The following KLHL32 variants were observed in gnomAD, a reference collection of about 807,000 sequenced individuals.
The protein encoded by KLHL32 is kelch-like protein 32.
KLHL32 carries 35 observed loss-of-function variants against 64.8 expected under a neutral mutation model. That is an observed-to-expected ratio of 0.54 (90% confidence interval 0.41 to 0.72). KLHL32 has a LOEUF of 0.72. Among genes scored for constraint, KLHL32 ranks in the 30% least tolerant of loss-of-function variants. The pLI is 0.00. For missense variants in KLHL32, 589 were observed against 768.5 expected (o/e 0.77, Z 2.76); for synonymous variants, 259 against 281.0 (o/e 0.92, Z 0.78).
chr6:96,938,364 T>A (rs1770866299), intron 1 of KLHL32, among the ~76,000 whole-genome samples: 1 of 152,164 alleles, frequency 6.6e-6, no homozygotes, highest in African/African-American at 2.4e-5. Context: ...CAGAGGGTCC[T>A]GGGGTCCCTG....
intron 1 of KLHL32, among the ~76,000 whole-genome samples, chr6:96,928,375 A>T (rs1298297956): frequency 6.6e-6 from 1 of 152,204 alleles, no homozygotes; most frequent in Non-Finnish European, 1.5e-5. Flanking sequence ...ACTGTAGCTG[A>T]GCGAGTGATG....
chr6:97,015,520 G>A (rs187180895), intron 3 of KLHL32, among the ~76,000 whole-genome samples: 636 of 152,300 alleles, frequency 4.2e-3, no homozygotes, highest in Middle Eastern at 6.8e-3. Context: ...AGAGACTGTC[G>A]GCATTTTGCC....
chr6:97,092,145 C>T (rs1582998379), intron 6 of KLHL32, among the ~76,000 whole-genome samples: 1 of 152,064 alleles, frequency 6.6e-6, no homozygotes, highest in South Asian at 2.1e-4. Flanking sequence ...ATGTGCCACA[C>T]ACCTGGCTAA....
At chr6:97,012,042 GCTAGAGT>G (rs1780477520) in intron 3 of KLHL32, among the ~76,000 whole-genome samples, 1 of 152,194 alleles carries the variant, frequency 6.6e-6, no homozygotes, top group Admixed American at 6.5e-5. Context: ...ACTGCTGAAT[GCTAGAGT>G]CTAAACCCTA....
At chr6:96,986,357 T>C (rs1252951767) in intron 3 of KLHL32, among the ~76,000 whole-genome samples, 1 of 152,188 alleles carries the variant, frequency 6.6e-6, no homozygotes, top group Non-Finnish European at 1.5e-5. Context: ...CGTTCTTAGA[T>C]GTCCAACTGC....
intron 3 of KLHL32, among the ~76,000 whole-genome samples, chr6:97,036,852 G>T (rs1016986139): frequency 6.6e-6 from 1 of 152,178 alleles, no homozygotes; most frequent in Non-Finnish European, 1.5e-5. Flanking sequence ...TGTCAGCTGG[G>T]ATTTGTGTTG....
intron 5 of KLHL32, among the ~76,000 whole-genome samples, chr6:97,066,653 G>T (rs1453260085): frequency 6.6e-6 from 1 of 152,120 alleles, no homozygotes; most frequent in African/African-American, 2.4e-5. Flanking sequence ...TTGACTATAT[G>T]AGTATCAAAA....
rs1562377109 is a variant in KLHL32, at chr6:97,139,889, C to CCTAA, written c.*610_*613dup. 2.6e-5 allele frequency: 4 copies of CCTAA among 152,096 alleles called. No individual in the cohort carries two copies. Among genetic ancestry groups the CCTAA allele is most frequent in the African/African-American group, 9.7e-5 (4 of 41,426 alleles). 9.4% of individuals were successfully genotyped at this position (152,096 alleles called of 1,614,324 possible). ...TGGTTACTCTGACCTTGGGTCAGAA[C>CCTAA]CTAACTTTACAGTGCTTCAGTTTTC... On this transcript the variant is annotated 3_prime_UTR_variant, in exon 11 of 11. Coordinates refer to ENST00000369261, the MANE Select transcript of KLHL32 (RefSeq NM_052904.4).
At chr6:97,033,904 T>G (rs4559093) in intron 3 of KLHL32, among the ~76,000 whole-genome samples, 11,010 of 152,168 alleles carry the variant, frequency 0.072, 857 homozygotes, top group Admixed American at 0.22. Flanking sequence ...CTATTGAATT[T>G]TGAGTTCCTT....
intron 6 of KLHL32, among the ~76,000 whole-genome samples, chr6:97,098,717 G>A (rs1221826658): frequency 6.6e-6 from 1 of 152,000 alleles, no homozygotes; most frequent in Non-Finnish European, 1.5e-5. Context: ...AATGAGAATG[G>A]GATTGTGTAT....
intron 4 of KLHL32, among the ~76,000 whole-genome samples, chr6:97,047,276 T>C (rs1166004224): frequency 6.6e-6 from 1 of 152,244 alleles, no homozygotes; most frequent in Non-Finnish European, 1.5e-5. Flanking sequence ...ATGAGAAATA[T>C]GCCCTTCTTC....
intron 4 of KLHL32, among the ~76,000 whole-genome samples, chr6:97,056,096 CTTTTTTTTTCTTTTTTT>C (rs1787834305): frequency 1.6e-5 from 2 of 123,802 alleles, no homozygotes; most frequent in African/African-American, 6.6e-5. Context: ...CTTTTTTTTT[CTTTTTTTTTCTTTTTTT>C]TTTTTTTTTT....
intron 3 of KLHL32, among the ~76,000 whole-genome samples, chr6:97,041,030 C>T (rs1785037845): frequency 6.6e-6 from 1 of 152,128 alleles, no homozygotes; most frequent in African/African-American, 2.4e-5. Flanking sequence ...TTCTTTATAG[C>T]ATATGAAAAT....
chr6:97,058,915 C>G (rs185138808), intron 4 of KLHL32, among the ~76,000 whole-genome samples: 5 of 152,320 alleles, frequency 3.3e-5, no homozygotes, highest in South Asian at 2.1e-4. Flanking sequence ...TAGACACACA[C>G]AATTGTAATG....
intron 6 of KLHL32, among the ~76,000 whole-genome samples, chr6:97,108,747 T>C (rs1299059337): frequency 6.6e-6 from 1 of 152,244 alleles, no homozygotes; most frequent in East Asian, 1.9e-4. Flanking sequence ...GCTTACTTTA[T>C]GTTATCAGAA....
At position 97,139,134 on chromosome 6, in the gene KLHL32, G is replaced by A. The variant is rs767549964; in HGVS notation, c.1715G>A (p.Ser572Asn). 4 of 1,613,638 alleles carry A rather than the reference G, an allele frequency of 2.5e-6. No individual in the cohort carries two copies. In the South Asian group the frequency reaches 4.4e-5, roughly 18 times the overall value. The change falls in exon 11 of 11, where the codon AGC becomes AAC. Residue 572 changes from serine (S) to asparagine (N), a missense_variant. Ser to Asn is a conservative substitution (Grantham distance 46). Transcript: ENST00000369261. ...PLACIQVLDV[S>N]REGKEEVFYG... is the part of the protein sequence containing the mutation. ...CCTCTTTTGTAGGTACTGGATGTAA[G>A]CAGAGAAGGCAAAGAAGAAGTATTC...
At chr6:97,106,575 T>G (rs1208880789) in intron 6 of KLHL32, among the ~76,000 whole-genome samples, 1 of 152,044 alleles carries the variant, frequency 6.6e-6, no homozygotes, top group Admixed American at 6.5e-5. Flanking sequence ...AAACCCCGTT[T>G]CTACTAAAAA....
chr6:96,962,665 G>T (rs539364969), intron 1 of KLHL32, among the ~76,000 whole-genome samples: 1 of 152,256 alleles, frequency 6.6e-6, no homozygotes, highest in African/African-American at 2.4e-5. Context: ...TATAATAAAA[G>T]AAGACACACA....
At position 97,096,125 on chromosome 6, in the gene KLHL32, T is replaced by A. The variant is rs191939899; in HGVS notation, c.627+10784T>A. On this transcript the variant is annotated intron_variant, in intron 6 of 10. Coordinates refer to ENST00000369261, the MANE Select transcript of KLHL32 (RefSeq NM_052904.4). ...ATTAGTTATATACCCCATCTCATCA[T>A]TCTCACACCCAACGTAGCTAATAAA... Among the ~76,000 whole-genome samples the A allele has an allele frequency of 5.1e-4, 78 of 152,292 alleles. No individual in the cohort carries two copies. In the Middle Eastern group the frequency reaches 0.01, roughly 20 times the overall value.
Sources: gnomAD v4.1 joint callset for allele counts (sites outside exome capture counted in the v4.1 genomes callset) on GRCh38, gnomAD v4.1.1 for gene constraint, MANE v1.5 for transcripts, NCBI Gene and HGNC (gene_info 2026-07-23, HGNC 2026-07-21) for gene names.